The following PYM1 variants were observed in gnomAD, a reference collection of about 807,000 sequenced individuals.
PYM1 encodes PYM1 exon junction complex associated factor, also known as partner of Y14 and mago.
PYM1 carries 7 observed loss-of-function variants against 20.7 expected under a neutral mutation model. The ratio of observed to expected loss-of-function variants is 0.34; its 90% CI spans 0.19 to 0.64. The LOEUF is 0.64. Ranked by LOEUF, PYM1 falls within the 30% of genes least tolerant of loss-of-function variation. The pLI is 0.74. For missense variants in PYM1, 194 were observed against 250.0 expected (o/e 0.78, Z 1.51); for synonymous variants, 100 against 99.2 (o/e 1.01, Z -0.05).
At position 55,905,168 on chromosome 12, in the gene PYM1, A is replaced by AT. The variant is rs779385773; in HGVS notation, c.38-1689dup. Reference sequence around the variant, plus strand: ...AGGCGCCTGCCACCACACCTGGCTAATTTTTTTTTTTTTTGTATTTTTAAT... The same window carrying AT: ...AGGCGCCTGCCACCACACCTGGCTAATTTTTTTTTTTTTTTGTATTTTTAAT... On this transcript the variant is annotated intron_variant, in intron 1 of 2. Transcript: ENST00000408946. Among the ~76,000 whole-genome samples the AT allele has an allele frequency of 5.0e-3, 680 of 136,226 alleles. 7 individuals carry two copies. Among genetic ancestry groups the AT allele is most frequent in the East Asian group, 6.2e-3 (28 of 4,512 alleles). The allele number at this position is 136,226 out of a possible 152,430, so 89.4% of individuals were successfully genotyped here. A position where few individuals can be genotyped will look rare whatever the true frequency, so the allele number is the denominator to read the frequency against.
intron 1 of PYM1, among the ~76,000 whole-genome samples, chr12:55,905,275 C>A (rs983032951): frequency 9.2e-5 from 14 of 151,496 alleles, no homozygotes; most frequent in African/African-American, 3.2e-4. Flanking sequence ...TCCCAAAGTG[C>A]TGGGATTACA....
chr12:55,908,050 C>G (rs1190837829), intron 1 of PYM1, among the ~76,000 whole-genome samples: 5 of 151,458 alleles, frequency 3.3e-5, no homozygotes, highest in Non-Finnish European at 7.4e-5. Context: ...TCGAGACCAG[C>G]CTGGCCAACA....
intron 1 of PYM1, among the ~76,000 whole-genome samples, chr12:55,911,267 T>G (rs960089309): frequency 2.6e-5 from 4 of 151,902 alleles, no homozygotes; most frequent in Non-Finnish European, 4.4e-5. Flanking sequence ...TGCCACCACG[T>G]CCGGCTAATT....
intron 1 of PYM1, among the ~76,000 whole-genome samples, chr12:55,916,749 G>C (rs1883014687): frequency 6.6e-6 from 1 of 152,086 alleles, no homozygotes; most frequent in Non-Finnish European, 1.5e-5. Context: ...GGTGAGCCGA[G>C]GTCAGGCCAT....
At chr12:55,909,817 A>G (rs1882888675) in intron 1 of PYM1, among the ~76,000 whole-genome samples, 1 of 152,230 alleles carries the variant, frequency 6.6e-6, no homozygotes, top group Non-Finnish European at 1.5e-5. Flanking sequence ...CTCAATGTCC[A>G]CAATTTACCA....
rs117550030 is a variant in PYM1 at position 55,901,783 on chromosome 12, C to T, written c.*89G>A. ...TGGAAGTAAGCCAGTATGGGGGGTACCCCTCCTGACTGCTGTTGCCCGTAT... is the reference window on the plus strand; with the variant it reads ...TGGAAGTAAGCCAGTATGGGGGGTATCCCTCCTGACTGCTGTTGCCCGTAT... On this transcript the variant is annotated 3_prime_UTR_variant, in exon 3 of 3. Transcript: ENST00000408946. The T allele has an allele frequency of 6.6e-7, 1 of 1,506,182 alleles. No individual in the cohort carries two copies. Among genetic ancestry groups the T allele is most frequent in the Non-Finnish European group, 8.9e-7 (1 of 1,129,650 alleles). The allele number at this position is 1,506,182 out of a possible 1,614,324, so 93.3% of individuals were successfully genotyped here.
chr12:55,901,869 G>C lies in PYM1; in HGVS notation c.*3C>G. On this transcript the variant is annotated 3_prime_UTR_variant, in exon 3 of 3. Coordinates refer to ENST00000408946, the MANE Select transcript of PYM1 (RefSeq NM_032345.3). ...GCAGTCCATTCCCTATTCCCCAAAG[G>C]CCTCAGAGGCCTAACTCCAAGTCCT... is the stretch of plus-strand genomic sequence containing the variant. 1 of 1,598,590 alleles carries C rather than the reference G, an allele frequency of 6.3e-7. No homozygotes were observed. Among genetic ancestry groups the C allele is most frequent in the Non-Finnish European group, 8.5e-7 (1 of 1,173,578 alleles).
intron 1 of PYM1, 127 bp downstream of exon 1, chr12:55,927,598 G>T: frequency 8.0e-7 from 1 of 1,243,346 alleles, no homozygotes; most frequent in South Asian, 1.4e-5. Context: ...GACGGTTGGA[G>T]ACCCTATCTA....
chr12:55,926,895 C>G (rs1482676806), intron 1 of PYM1, among the ~76,000 whole-genome samples: 1 of 152,108 alleles, frequency 6.6e-6, no homozygotes, highest in Non-Finnish European at 1.5e-5. Context: ...GCAGAGACCC[C>G]AAACACGAGA....
intron 1 of PYM1, among the ~76,000 whole-genome samples, chr12:55,925,184 A>G (rs1883168110): frequency 6.6e-6 from 1 of 152,332 alleles, no homozygotes; most frequent in Non-Finnish European, 1.5e-5. Flanking sequence ...CAAAATGAAT[A>G]AAGAAAGCAA....
In PYM1 at chr12:55,901,823, G is replaced by A. The variant is rs1024834287; in HGVS notation, c.*49C>T. 6.5e-7 allele frequency: 1 copy of A among 1,544,082 alleles called. No homozygotes were observed. Among genetic ancestry groups the A allele is most frequent in the Non-Finnish European group, 8.7e-7 (1 of 1,148,900 alleles). On this transcript the variant is annotated 3_prime_UTR_variant, in exon 3 of 3. Transcript: ENST00000408946. ...GTTGCCCGTATTCCCCCAGACCCCAGAGAGCCCCACGGTTTGTTCTGCAGT... is the reference window on the plus strand; with the variant it reads ...GTTGCCCGTATTCCCCCAGACCCCAAAGAGCCCCACGGTTTGTTCTGCAGT...
chr12:55,908,993 G>A (rs1882874021), intron 1 of PYM1, among the ~76,000 whole-genome samples: 1 of 152,202 alleles, frequency 6.6e-6, no homozygotes, highest in South Asian at 2.1e-4. Context: ...GAATGGGCGT[G>A]AGTAGGGAAC....
intron 1 of PYM1, chr12:55,927,245 G>T: frequency 7.8e-7 from 1 of 1,279,518 alleles, no homozygotes; most frequent in Non-Finnish European, 1.1e-6. Flanking sequence ...GGCGGAGGTG[G>T]AGGAGGAGGA....
At chr12:55,925,881 G>A (rs1883178958) in intron 1 of PYM1, among the ~76,000 whole-genome samples, 1 of 152,226 alleles carries the variant, frequency 6.6e-6, no homozygotes, top group African/African-American at 2.4e-5. Flanking sequence ...CACATTAAAA[G>A]TTGGTAATTC....
At chr12:55,904,907 G>A (rs1424135322) in intron 1 of PYM1, among the ~76,000 whole-genome samples, 1 of 152,026 alleles carries the variant, frequency 6.6e-6, no homozygotes, top group Non-Finnish European at 1.5e-5. Context: ...AGGATAACAT[G>A]TGGAGTAGTG....
At chr12:55,917,870 G>GA (rs1883034271) in intron 1 of PYM1, among the ~76,000 whole-genome samples, 1 of 151,842 alleles carries the variant, frequency 6.6e-6, no homozygotes. Context: ...TGAGGCAGGA[G>GA]AATCACTTCA....
At chr12:55,905,906 TAGATATATATATTATTATATATATCTAA>T (rs745367635) in intron 1 of PYM1, among the ~76,000 whole-genome samples, 2,725 of 124,808 alleles carry the variant, frequency 0.022, 412 homozygotes, top group Middle Eastern at 0.032. Context: ...ATATATCTAA[TAGATATATATATTATTATATATATCTAA>T]TAGATATATA....
In PYM1 at chr12:55,902,288, C is replaced by A; in HGVS notation, c.199G>T (p.Ala67Ser). The change falls in exon 3 of 3, where the codon GCC becomes TCC. Residue 67 changes from alanine to serine, a missense_variant. Around this residue, in one of 3 missense-constraint regions of PYM1, gnomAD observed 158 missense variants for 179.0 expected, o/e 0.88. Transcript: ENST00000408946. ...PELPPGLSPE[A>S]TAPVTPSRPE... ...CTGGATGGGGTGACAGGAGCAGTGGCCTCAGGGCTTAGCCCTGGGGGCAAC... is the reference window on the plus strand; with the variant it reads ...CTGGATGGGGTGACAGGAGCAGTGGACTCAGGGCTTAGCCCTGGGGGCAAC... The A allele has an allele frequency of 6.2e-7, 1 of 1,614,184 alleles. No individual in the cohort carries two copies. The highest frequency in any genetic ancestry group is 8.5e-7 in the Non-Finnish European group (1 of 1,180,032).
chr12:55,920,367 G>A (rs752566194), intron 1 of PYM1, among the ~76,000 whole-genome samples: 3 of 151,616 alleles, frequency 2.0e-5, no homozygotes, highest in Admixed American at 6.6e-5. Context: ...GGCCGAGCAC[G>A]GTGGCTCATG....
Sources: gnomAD v4.1 joint callset for allele counts (sites outside exome capture counted in the v4.1 genomes callset) on GRCh38, gnomAD v4.1.1 for gene constraint, gnomAD v4.1.1 regional missense constraint, MANE v1.5 for transcripts, NCBI Gene and HGNC (gene_info 2026-07-23, HGNC 2026-07-21) for gene names.